ARHGAP15: variants seen among roughly 807,000 people sequenced by gnomAD.
ARHGAP15 encodes rho GTPase-activating protein 15.
Under a neutral mutation model 63.7 loss-of-function variants are expected in ARHGAP15, and 51 were observed. That is an observed-to-expected ratio of 0.80 (90% CI 0.64 to 1.01). The LOEUF is 1.01. Ranked by LOEUF, ARHGAP15 falls within the 50% of genes least tolerant of loss-of-function variation. The pLI is 0.00. For synonymous variants in ARHGAP15, 191 were observed against 193.8 expected (o/e 0.99, Z 0.12); for missense variants, 560 against 564.6 (o/e 0.99, Z 0.08).
At chr2:143,475,978 T>G (rs1014517798) in intron 8 of ARHGAP15, among the ~76,000 whole-genome samples, 1 of 152,198 alleles carries the variant, frequency 6.6e-6, no homozygotes, top group African/African-American at 2.4e-5. Context: ...AAAGCATTGT[T>G]GGAGTTAACC....
chr2:143,701,031 CA>C (rs906763039), intron 12 of ARHGAP15, among the ~76,000 whole-genome samples: 26 of 151,740 alleles, frequency 1.7e-4, no homozygotes, highest in African/African-American at 5.8e-4. Flanking sequence ...CTTTTTTTTG[CA>C]GTTGTCCAAG....
intron 10 of ARHGAP15, among the ~76,000 whole-genome samples, chr2:143,539,520 G>A (rs1694944420): frequency 6.6e-6 from 1 of 151,868 alleles, no homozygotes; most frequent in South Asian, 2.1e-4. Context: ...GGCATTTAGT[G>A]CTGTAAATTT....
At position 143,738,524 on chromosome 2, in the gene ARHGAP15, C is replaced by A. The variant is rs377052298; in HGVS notation, c.1245-29465C>A. ...TCCTTTGACTTGAACAACTTCCGGG[C>A]CTCTCTTCGAACATCATGGAGACTA... On this transcript the variant is annotated intron_variant, in intron 13 of 13. Transcript: ENST00000295095. 9.1e-4 allele frequency among the ~76,000 whole-genome samples: 138 copies of A among 152,240 alleles called. 4 individuals carry two copies. In the South Asian group the frequency reaches 0.025, roughly 27 times the overall value.
intron 13 of ARHGAP15, among the ~76,000 whole-genome samples, chr2:143,741,715 G>A (rs1382595149): frequency 6.6e-6 from 1 of 152,172 alleles, no homozygotes; most frequent in African/African-American, 2.4e-5. Flanking sequence ...TAAAATGGCA[G>A]CAGAGACCAG....
chr2:143,512,741 A>C (rs1693644149), intron 9 of ARHGAP15, among the ~76,000 whole-genome samples: 1 of 152,236 alleles, frequency 6.6e-6, no homozygotes, highest in African/African-American at 2.4e-5. Context: ...TGGGTATGGC[A>C]AGTGCCATGG....
At chr2:143,586,883 A>G (rs775797199) in intron 11 of ARHGAP15, among the ~76,000 whole-genome samples, 2 of 150,944 alleles carry the variant, frequency 1.3e-5, no homozygotes, top group East Asian at 1.9e-4. Context: ...CTCAATCTCA[A>G]TCTCTCAATC....
At chr2:143,395,603 G>A (rs1451376896) in intron 6 of ARHGAP15, among the ~76,000 whole-genome samples, 1 of 152,064 alleles carries the variant, frequency 6.6e-6, no homozygotes, top group Non-Finnish European at 1.5e-5. Context: ...AGTCTAGAGG[G>A]TGAAGGAAGA....
At chr2:143,481,476 A>G (rs556907350) in intron 8 of ARHGAP15, among the ~76,000 whole-genome samples, 6 of 152,178 alleles carry the variant, frequency 3.9e-5, no homozygotes, top group Non-Finnish European at 8.8e-5. Flanking sequence ...TGGCAGGAAA[A>G]GAAGGTATTT....
intron 9 of ARHGAP15, among the ~76,000 whole-genome samples, chr2:143,511,922 T>C (rs1280827388): frequency 6.6e-6 from 1 of 152,242 alleles, no homozygotes; most frequent in Non-Finnish European, 1.5e-5. Flanking sequence ...CAAAGCCATG[T>C]GATGTGCATT....
intron 4 of ARHGAP15, among the ~76,000 whole-genome samples, chr2:143,219,751 C>A (rs1032031071): frequency 6.6e-6 from 1 of 152,196 alleles, no homozygotes; most frequent in Non-Finnish European, 1.5e-5. Flanking sequence ...ATCTAATTAT[C>A]CATAGAACAT....
At chr2:143,255,615 T>TA (rs71404468) in intron 6 of ARHGAP15, among the ~76,000 whole-genome samples, 2 of 151,978 alleles carry the variant, frequency 1.3e-5, no homozygotes, top group Admixed American at 6.6e-5. Context: ...AATAACATCT[T>TA]AAAAAAACAT....
intron 6 of ARHGAP15, among the ~76,000 whole-genome samples, chr2:143,291,115 A>G (rs1682376391): frequency 6.6e-6 from 1 of 152,174 alleles, no homozygotes; most frequent in South Asian, 2.1e-4. Context: ...TGAGAGCAAC[A>G]GACTGTTTCA....
intron 6 of ARHGAP15, among the ~76,000 whole-genome samples, chr2:143,381,602 G>C (rs1052178833): frequency 5.9e-5 from 9 of 152,144 alleles, no homozygotes; most frequent in Non-Finnish European, 1.3e-4. Context: ...CATTTTTACA[G>C]CTGGTACTGC....
rs1432999341 is a variant in ARHGAP15, at chr2:143,346,200, TCTCA to T, written c.475-89399_475-89396del. 3.1e-4 allele frequency among the ~76,000 whole-genome samples: 43 copies of T among 138,768 alleles called. 1 individual carries two copies. The East Asian group carries it at 6.1e-3, about 20-fold the overall frequency. The allele number at this position is 138,768 out of a possible 152,430, so 91.0% of individuals were successfully genotyped here. ...CTCTCTCTCACACACACACTCTCTC[TCTCA>T]CACACACACTCTCTCTCACACACAC... On this transcript the variant is annotated intron_variant, in intron 6 of 13. Transcript: ENST00000295095.
intron 12 of ARHGAP15, among the ~76,000 whole-genome samples, chr2:143,663,274 G>C (rs374887265): frequency 6.6e-6 from 1 of 150,646 alleles, no homozygotes; most frequent in Middle Eastern, 3.4e-3. Context: ...CATTCTTAAA[G>C]AAAAGAATTT....
intron 11 of ARHGAP15, among the ~76,000 whole-genome samples, chr2:143,621,912 C>G (rs1698659896): frequency 6.6e-6 from 1 of 152,076 alleles, no homozygotes; most frequent in Admixed American, 6.6e-5. Context: ...TTTTTACCTG[C>G]TGAACACTTT....
At chr2:143,303,975 G>A (rs1683043201) in intron 6 of ARHGAP15, among the ~76,000 whole-genome samples, 1 of 152,140 alleles carries the variant, frequency 6.6e-6, no homozygotes, top group Non-Finnish European at 1.5e-5. Flanking sequence ...AGAGGATGTG[G>A]AGAACTAGAA....
At chr2:143,677,473 T>C (rs939510654) in intron 12 of ARHGAP15, among the ~76,000 whole-genome samples, 4 of 152,234 alleles carry the variant, frequency 2.6e-5, no homozygotes, top group African/African-American at 9.6e-5. Context: ...CATTTTTCTG[T>C]GCCTTGCATT....
At chr2:143,622,291 G>A (rs771931526) in intron 11 of ARHGAP15, among the ~76,000 whole-genome samples, 1 of 152,072 alleles carries the variant, frequency 6.6e-6, no homozygotes, top group South Asian at 2.1e-4. Context: ...GTATGGTAGT[G>A]GGTAGGGAGA....
Sources: gnomAD v4.1 joint callset for allele counts (sites outside exome capture counted in the v4.1 genomes callset) on GRCh38, gnomAD v4.1.1 for gene constraint, MANE v1.5 for transcripts, NCBI Gene and HGNC (gene_info 2026-07-23, HGNC 2026-07-21) for gene names.